The following SEL1L3 variants were observed in gnomAD, a reference collection of about 807,000 sequenced individuals.
SEL1L3 encodes SEL1L family member 3.
Under a neutral mutation model 142.8 loss-of-function variants are expected in SEL1L3, and 76 were observed. The observed-to-expected ratio is 0.53, with a 90% CI of 0.44 to 0.64. The LOEUF (loss-of-function observed/expected upper bound fraction) is 0.64, where lower values mean the gene tolerates loss of function less well. Ranked by LOEUF, SEL1L3 falls within the 30% of genes least tolerant of loss-of-function variation. The pLI, the probability that SEL1L3 is intolerant of heterozygous loss-of-function variation, is 0.00. For missense variants in SEL1L3, 1,262 were observed against 1,381.7 expected, an observed-to-expected ratio of 0.91 and a Z score of 1.37; for synonymous variants, 504 against 519.6, an observed-to-expected ratio of 0.97 and a Z score of 0.41.
intron 1 of SEL1L3, among the ~76,000 whole-genome samples, chr4:25,855,801 G>A (rs1717220413): frequency 6.6e-6 from 1 of 152,074 alleles, no homozygotes; most frequent in South Asian, 2.1e-4. Context: ...TTTCTGCCAG[G>A]TGCCTCAGTG....
chr4:25,804,888 C>T (rs1713449459), intron 9 of SEL1L3, 136 bp from the exon 10 acceptor site: 4 of 662,586 alleles, frequency 6.0e-6, no homozygotes, highest in South Asian at 5.4e-5. Flanking sequence ...AATATACCAC[C>T]TTCCAGGGAG....
chr4:25,787,128 C>T (rs923521739), intron 13 of SEL1L3, among the ~76,000 whole-genome samples: 3 of 152,202 alleles, frequency 2.0e-5, no homozygotes, highest in African/African-American at 4.8e-5. Context: ...TTCCTAGATC[C>T]CAGTCCCAGG....
the SEL1L3 span, among the ~76,000 whole-genome samples, chr4:25,734,984 T>G: frequency 1.1e-5 from 1 of 92,220 alleles, no homozygotes; most frequent in South Asian, 3.7e-4. Flanking sequence ...TTCAGAAGTA[T>G]TTTTTTTCTT....
chr4:25,714,012 GATGATGCAATTTAA>G, the SEL1L3 span, among the ~76,000 whole-genome samples: 1 of 152,146 alleles, frequency 6.6e-6, no homozygotes, highest in Non-Finnish European at 1.5e-5. Context: ...AACCACCAGT[GATGATGCAATTTAA>G]ATGATTTGTC....
chr4:25,850,783 G>T (rs1292187420), intron 1 of SEL1L3, among the ~76,000 whole-genome samples: 1 of 152,098 alleles, frequency 6.6e-6, no homozygotes, highest in Non-Finnish European at 1.5e-5. Context: ...AAAATGGAAT[G>T]ATCGCAAAGG....
In SEL1L3 at chr4:25,784,387, A is replaced by T; in HGVS notation, c.2218-97T>A. 5 of 962,832 alleles carry T rather than the reference A, an allele frequency of 5.2e-6. 1 individual carries two copies. The South Asian group carries it at 6.9e-5, about 13-fold the overall frequency. The allele number at this position is 962,832 out of a possible 1,614,324, so 59.6% of individuals were successfully genotyped here. On this transcript the variant is annotated intron_variant, in intron 13 of 23. Coordinates refer to ENST00000399878, the MANE Select transcript of SEL1L3 (RefSeq NM_015187.5). Reference sequence around the variant, plus strand: ...TTGGATATAAAATACTTAAAAATAAAACCCTAACTTTCTTCATTTAAACCC... The same window carrying T: ...TTGGATATAAAATACTTAAAAATAATACCCTAACTTTCTTCATTTAAACCC...
intron 11 of SEL1L3, among the ~76,000 whole-genome samples, chr4:25,792,593 G>T (rs1560305113): frequency 6.6e-6 from 1 of 152,180 alleles, no homozygotes; most frequent in Non-Finnish European, 1.5e-5. Flanking sequence ...CTCAGCTGAA[G>T]GTTTTCTGTT....
intron 11 of SEL1L3, among the ~76,000 whole-genome samples, chr4:25,792,121 T>A (rs184773875): frequency 6.6e-6 from 1 of 152,290 alleles, no homozygotes; most frequent in Admixed American, 6.5e-5. Flanking sequence ...GGCCACCAAG[T>A]TAACAGTAAC....
At chr4:25,778,974 G>T in intron 16 of SEL1L3, 102 bp downstream of exon 16, 2 of 1,036,498 alleles carry the variant, frequency 1.9e-6, no homozygotes, top group South Asian at 2.1e-5. Flanking sequence ...CTACATGCAT[G>T]TACAACTGGT....
chr4:25,839,561 G>C (rs1716041959), intron 2 of SEL1L3, among the ~76,000 whole-genome samples: 1 of 152,322 alleles, frequency 6.6e-6, no homozygotes, highest in East Asian at 1.9e-4. Flanking sequence ...TTGTTAATGA[G>C]CGCAGGTCTG....
intron 20 of SEL1L3, among the ~76,000 whole-genome samples, chr4:25,763,677 A>G (rs557582530): frequency 3.7e-4 from 57 of 152,304 alleles, no homozygotes; most frequent in Non-Finnish European, 4.3e-4. Flanking sequence ...GCAAAACCCC[A>G]TCTCTACAAA....
chr4:25,715,126 A>C, the SEL1L3 span, among the ~76,000 whole-genome samples: 1 of 152,186 alleles, frequency 6.6e-6, no homozygotes, highest in African/African-American at 2.4e-5. Flanking sequence ...AAAAGTATAC[A>C]TAAGTGGTCT....
the SEL1L3 span, among the ~76,000 whole-genome samples, chr4:25,733,161 A>G: frequency 2.6e-5 from 4 of 152,096 alleles, no homozygotes; most frequent in African/African-American, 9.7e-5. Context: ...AAATAGAAAA[A>G]TTTTGCCAGA....
chr4:25,766,234 T>A (rs7697112), intron 19 of SEL1L3, among the ~76,000 whole-genome samples: 29 of 151,302 alleles, frequency 1.9e-4, no homozygotes, highest in African/African-American at 6.1e-4. Context: ...AGGTCAGGAG[T>A]TCAAGACCAG....
chr4:25,776,878 A>G (rs1235194884), intron 16 of SEL1L3, among the ~76,000 whole-genome samples: 2 of 152,076 alleles, frequency 1.3e-5, no homozygotes, highest in Non-Finnish European at 2.9e-5. Context: ...AGGGTAAGAA[A>G]AGAGATTAAA....
the SEL1L3 span, among the ~76,000 whole-genome samples, chr4:25,723,974 G>T: frequency 6.6e-6 from 1 of 152,196 alleles, no homozygotes; most frequent in African/African-American, 2.4e-5. Flanking sequence ...TACAGCAGTT[G>T]CTTTCACAAG....
intron 23 of SEL1L3, among the ~76,000 whole-genome samples, chr4:25,752,446 G>C (rs1259190777): frequency 1.3e-5 from 2 of 148,244 alleles, no homozygotes; most frequent in Non-Finnish European, 3.0e-5. Context: ...AAAGTTGAAT[G>C]TTTTAGAAAG....
At chr4:25,759,704 A>G (rs1263664714) in intron 20 of SEL1L3, 1 of 152,362 alleles carries the variant, frequency 6.6e-6, no homozygotes, top group Non-Finnish European at 1.5e-5. Flanking sequence ...TACGGATCCA[A>G]TAAAATAAAC....
At chr4:25,809,746 A>T (rs190284545) in intron 9 of SEL1L3, among the ~76,000 whole-genome samples, 24 of 152,118 alleles carry the variant, frequency 1.6e-4, no homozygotes, top group Middle Eastern at 3.4e-3. Flanking sequence ...GTATTTTTTT[A>T]AAAAAACTAT....
Sources: allele counts gnomAD v4.1 joint callset (sites outside exome capture counted in the v4.1 genomes callset), GRCh38; gene constraint gnomAD v4.1.1; transcripts MANE v1.5; gene names NCBI Gene and HGNC (gene_info 2026-07-23, HGNC 2026-07-21).